The following ANKFY1 variants were observed in gnomAD, a reference collection of about 807,000 sequenced individuals.
ANKFY1 encodes ankyrin repeat and FYVE domain-containing protein 1.
A neutral mutation model predicts 128.3 loss-of-function variants in ANKFY1; 47 were observed. That is an observed-to-expected ratio of 0.37 (90% CI 0.29 to 0.47). The LOEUF (loss-of-function observed/expected upper bound fraction) is 0.47. ANKFY1 is among the 20% of genes least tolerant of loss of function. The pLI, the probability that ANKFY1 is intolerant of heterozygous loss-of-function variation, is 1.00. For missense variants in ANKFY1, 1,222 were observed against 1,510.6 expected (o/e 0.81, Z 3.17); for synonymous variants, 553 against 601.6 (o/e 0.92, Z 1.18).
At chr17:4,223,318 T>C (rs1002407740) in intron 3 of ANKFY1, 19 of 1,351,144 alleles carry the variant, frequency 1.4e-5, no homozygotes, top group South Asian at 7.1e-5. Flanking sequence ...TAGAGGCCAA[T>C]AATCCACAGG....
chr17:4,170,910 G>A (rs753690594), intron 22 of ANKFY1, 49 bp from the exon 23 acceptor site: 32 of 1,611,690 alleles, frequency 2.0e-5, no homozygotes, highest in East Asian at 6.7e-5. Flanking sequence ...GGCCCAGCCC[G>A]GCAGCCACAG....
chr17:4,175,324 C>T (rs968283953), intron 19 of ANKFY1, among the ~76,000 whole-genome samples: 1 of 149,320 alleles, frequency 6.7e-6, no homozygotes, highest in African/African-American at 2.5e-5. Context: ...CAGAGCAAGA[C>T]CATGTCTCAA....
At chr17:4,263,847 C>A in intron 1 of ANKFY1, 85 bp downstream of exon 1, 2 of 1,612,268 alleles carry the variant, frequency 1.2e-6, no homozygotes, top group East Asian at 2.2e-5. Context: ...CACGCCCGGC[C>A]TTCCCCTCCC....
At chr17:4,253,831 A>T (rs1195037048) in intron 1 of ANKFY1, among the ~76,000 whole-genome samples, 3 of 152,204 alleles carry the variant, frequency 2.0e-5, no homozygotes, top group Admixed American at 2.0e-4. Flanking sequence ...TTCTGACTTA[A>T]TAAACTACAC....
chr17:4,220,475 T>C (rs2060292068), intron 3 of ANKFY1, among the ~76,000 whole-genome samples: 1 of 152,198 alleles, frequency 6.6e-6, no homozygotes, highest in African/African-American at 2.4e-5. Flanking sequence ...TTCCCTACAG[T>C]AGCAGTTTCT....
chr17:4,236,032 T>G (rs532330266), intron 2 of ANKFY1, 142 bp from the exon 3 acceptor site: 80 of 618,254 alleles, frequency 1.3e-4, no homozygotes, highest in Non-Finnish European at 2.2e-4. Context: ...TATTCCTATA[T>G]GCTAGCACTG....
In ANKFY1 at chr17:4,204,760, C is replaced by T. The variant is rs537811772; in HGVS notation, c.898+1561G>A. ...CAAAATAAACATCTCAGACACGAAA[C>T]AGTGTGGGAAAGAATCATTCCCTAC... is the stretch of plus-strand genomic sequence containing the variant. On this transcript the variant is annotated intron_variant, in intron 7 of 24. Coordinates refer to ENST00000341657, the MANE Select transcript of ANKFY1 (RefSeq NM_001330063.2). Among the ~76,000 whole-genome samples the T allele has an allele frequency of 4.6e-5, 7 of 151,670 alleles. No individual in the cohort carries two copies. In the South Asian group the frequency reaches 1.0e-3, roughly 22 times the overall value.
At chr17:4,231,217 C>T (rs1052035683) in intron 3 of ANKFY1, among the ~76,000 whole-genome samples, 1 of 152,176 alleles carries the variant, frequency 6.6e-6, no homozygotes, top group South Asian at 2.1e-4. Context: ...ATACAAGAGC[C>T]AGGCAGAGTG....
chr17:4,212,491 A>G (rs2060150550), intron 4 of ANKFY1, among the ~76,000 whole-genome samples: 1 of 152,244 alleles, frequency 6.6e-6, no homozygotes, highest in Admixed American at 6.5e-5. Context: ...TGAGGTATGT[A>G]GTAAATATGC....
chr17:4,183,697 T>C, intron 13 of ANKFY1, 115 bp downstream of exon 13: 1 of 1,414,296 alleles, frequency 7.1e-7, no homozygotes, highest in Non-Finnish European at 9.7e-7. Context: ...AATGTTATTT[T>C]ACAACCAAAT....
In ANKFY1 at chr17:4,164,169, C is replaced by G. The variant is rs966391422; in HGVS notation, c.*3610G>C. On this transcript the variant is annotated 3_prime_UTR_variant, in exon 25 of 25. Coordinates refer to ENST00000341657, the MANE Select transcript of ANKFY1 (RefSeq NM_001330063.2). Reference sequence around the variant, plus strand: ...AGGGATGTCGTAACAGCCAACTCCACACATCTGCCAAAAAAGAGCAAGTCA... The same window carrying G: ...AGGGATGTCGTAACAGCCAACTCCAGACATCTGCCAAAAAAGAGCAAGTCA... 6.6e-6 allele frequency: 1 copy of G among 152,574 alleles called. No homozygotes were observed. Among genetic ancestry groups the G allele is most frequent in the African/African-American group, 2.4e-5 (1 of 41,464 alleles). The allele number at this position is 152,574 out of a possible 1,614,324, so 9.5% of individuals were successfully genotyped here. A position where few individuals can be genotyped will look rare whatever the true frequency, so the allele number is the denominator to read the frequency against.
At chr17:4,192,997 A>G (rs1298046262) in intron 10 of ANKFY1, among the ~76,000 whole-genome samples, 1 of 152,242 alleles carries the variant, frequency 6.6e-6, no homozygotes, top group Non-Finnish European at 1.5e-5. Context: ...ACTATATAAT[A>G]TAAAATTGAC....
rs561225323 is a variant in ANKFY1 at position 4,247,125 on chromosome 17, A to AG, written c.11-4678_11-4677insC. Among the ~76,000 whole-genome samples the AG allele has an allele frequency of 1.5e-3, 224 of 151,654 alleles. 1 individual carries two copies. The highest frequency in any genetic ancestry group is 5.1e-3 in the African/African-American group (209 of 41,364). On this transcript the variant is annotated intron_variant, in intron 1 of 24. Transcript: ENST00000341657. ...GAGAGACCCTGTCTTAAAAAAAAAA[A>AG]AGAGAGAAAAAGAAAAAGAAAAAAA...
At chr17:4,251,863 C>T (rs991019836) in intron 1 of ANKFY1, among the ~76,000 whole-genome samples, 4 of 151,878 alleles carry the variant, frequency 2.6e-5, no homozygotes, top group East Asian at 1.9e-4. Flanking sequence ...GGCAAAACCC[C>T]GTCTCTACAA....
intron 1 of ANKFY1, among the ~76,000 whole-genome samples, chr17:4,247,776 C>T (rs560425218): frequency 9.9e-5 from 15 of 152,228 alleles, no homozygotes; most frequent in African/African-American, 3.6e-4. Flanking sequence ...GGGATCAAGC[C>T]CAGCCCCACT....
At chr17:4,201,703 G>T (rs953824991) in intron 7 of ANKFY1, among the ~76,000 whole-genome samples, 1 of 152,136 alleles carries the variant, frequency 6.6e-6, no homozygotes, top group South Asian at 2.1e-4. Flanking sequence ...TTTGGGTGGG[G>T]TAAGGGGTGC....
chr17:4,168,013 C>G, intron 24 of ANKFY1, 102 bp from the exon 25 acceptor site: 1 of 1,307,768 alleles, frequency 7.6e-7, no homozygotes, highest in Non-Finnish European at 1.0e-6. Context: ...CCAAGGCGCC[C>G]GCAATGCTAC....
chr17:4,174,454 A>G lies in ANKFY1; in HGVS notation c.2776-398T>C, dbSNP rs368079514. Reference sequence around the variant, plus strand: ...TAATAGGTACAAACAGTAGAGTAAGATGATAAATATTTATCGATTAACATG... The same window carrying G: ...TAATAGGTACAAACAGTAGAGTAAGGTGATAAATATTTATCGATTAACATG... On this transcript the variant is annotated intron_variant, in intron 19 of 24. Transcript: ENST00000341657. Among the ~76,000 whole-genome samples the G allele has an allele frequency of 2.8e-4, 43 of 152,264 alleles. 1 individual carries two copies. The South Asian group carries it at 8.1e-3, about 29-fold the overall frequency.
rs991199150 is a variant in ANKFY1, at chr17:4,184,833, T to C, written c.1684A>G (p.Ile562Val). 9 of 1,613,328 alleles carry C rather than the reference T, an allele frequency of 5.6e-6. No homozygotes were observed. Among genetic ancestry groups the C allele is most frequent in the East Asian group, 2.2e-5 (1 of 44,886 alleles). The change falls in exon 12 of 25, where the codon ATC (isoleucine) becomes GTC (valine). Residue 562 changes from isoleucine to valine, a missense_variant. By Grantham distance (29) the Ile-to-Val change is conservative. Transcript: ENST00000341657. Reference sequence around the variant, plus strand: ...ACTTACTTACCTTTCTGCTCCAGGATGACAGACACCACATCCGGATGGTTA... The same window carrying C: ...ACTTACTTACCTTTCTGCTCCAGGACGACAGACACCACATCCGGATGGTTA... ...AYNHPDVVSV[I>V]LEQKANALHA... is the part of the protein sequence containing the mutation.
Sources: gnomAD v4.1 joint callset for allele counts (sites outside exome capture counted in the v4.1 genomes callset) on GRCh38, gnomAD v4.1.1 for gene constraint, MANE v1.5 for transcripts, NCBI Gene and HGNC (gene_info 2026-07-23, HGNC 2026-07-21) for gene names.